ACACB: variants seen among roughly 807,000 people sequenced by gnomAD.
ACACB encodes the protein acetyl-CoA carboxylase 2.
A neutral mutation model predicts 278.8 loss-of-function variants in ACACB; 209 were observed. The observed-to-expected ratio is 0.75, with a 90% confidence interval of 0.67 to 0.84. ACACB has a LOEUF of 0.84. ACACB is among the 40% of genes least tolerant of loss of function. The pLI, the probability that ACACB is intolerant of heterozygous loss-of-function variation, is 0.00. For synonymous variants in ACACB, 1,174 were observed against 1,285.6 expected (o/e 0.91, Z 1.86); for missense variants, 2,850 against 3,269.0 (o/e 0.87, Z 3.13).
At chr12:109,212,734 C>T (rs975907794) in intron 21 of ACACB, 102 bp from the exon 22 acceptor site, 1 of 915,358 alleles carries the variant, frequency 1.1e-6, no homozygotes, top group African/African-American at 1.6e-5. Context: ...AGGCCACGGA[C>T]CAGTGCTCGT....
chr12:109,232,808 T>C lies in ACACB; in HGVS notation c.4139+2T>C. 6.2e-7 allele frequency: 1 copy of C among 1,614,084 alleles called. No individual in the cohort carries two copies. The highest frequency in any genetic ancestry group is 8.5e-7 in the Non-Finnish European group (1 of 1,180,014). On this transcript the variant is annotated splice_donor_variant, in intron 29 of 52. Coordinates refer to ENST00000338432, the MANE Select transcript of ACACB (RefSeq NM_001093.4). LOFTEE classifies it high-confidence loss of function. ...CAGGAGATTCGAGGACTTCACCAGGTACCCAGCATGGCCCGGTCTCCAACA... is the reference window on the plus strand; with the variant it reads ...CAGGAGATTCGAGGACTTCACCAGGCACCCAGCATGGCCCGGTCTCCAACA...
At chr12:109,219,692 CTTA>C (rs1264713613) in intron 24 of ACACB, among the ~76,000 whole-genome samples, 1 of 152,126 alleles carries the variant, frequency 6.6e-6, no homozygotes, top group Admixed American at 6.5e-5. Context: ...CACGTACGTT[CTTA>C]TTAGAGAAAA....
Position 109,258,304 on chromosome 12 carries a change from G to A in ACACB, c.6300G>A (p.Glu2100=), listed in dbSNP as rs1227746175. 2 of 1,612,696 alleles carry A rather than the reference G, an allele frequency of 1.2e-6. No individual in the cohort carries two copies. Among genetic ancestry groups the A allele is most frequent in the African/African-American group, 1.3e-5 (1 of 74,910 alleles). ...GGIPVGVIAV[E]TRTVEVAVPA... ...TTCCCGTGGGAGTGATTGCTGTGGA[G>A]ACACGGACTGTGGAGGTGGCAGTCC... The change falls in exon 46 of 53, where the codon GAG becomes GAA. Residue 2100 remains glutamate, a synonymous_variant. Transcript: ENST00000338432.
rs989674743 is a variant in ACACB at position 109,268,058 on chromosome 12, G to T, written c.*1696G>T. ...GATTCATTATTCCACCCCGAGGTTT[G>T]CTGGGGTGAGGGGAAGAATCGATGC... On this transcript the variant is annotated 3_prime_UTR_variant, in exon 53 of 53. Transcript: ENST00000338432. This position sits in a 1 kb window ranked among gnomAD's most constrained non-coding sequence, Gnocchi z 4.2. 1 of 152,214 alleles carries T rather than the reference G, an allele frequency of 6.6e-6. No individual in the cohort carries two copies. Among genetic ancestry groups the T allele is most frequent in the Non-Finnish European group, 1.5e-5 (1 of 68,044 alleles). The allele number at this position is 152,214 out of a possible 1,614,324, so 9.4% of individuals were successfully genotyped here.
At chr12:109,131,170 G>A (rs928586194) in intron 1 of ACACB, among the ~76,000 whole-genome samples, 3 of 152,200 alleles carry the variant, frequency 2.0e-5, no homozygotes, top group Non-Finnish European at 4.4e-5. Flanking sequence ...CTTGAGGTCA[G>A]GAGAAGGCTG....
Position 109,191,783 on chromosome 12 carries a change from TGTC to T in ACACB, c.2295+21_2295+23del. On this transcript the variant is annotated intron_variant, in intron 14 of 52. Coordinates refer to ENST00000338432, the MANE Select transcript of ACACB (RefSeq NM_001093.4). The stretch of plus-strand genomic sequence containing the variant: ...GTGCAGGTAGGGAGTGAGCTGCCTG[TGTC>T]TCCCCTCTGGATGGCCGAGACCTCG... 6.2e-7 allele frequency: 1 copy of T among 1,614,158 alleles called. No homozygotes were observed. The highest frequency in any genetic ancestry group is 8.5e-7 in the Non-Finnish European group (1 of 1,180,020).
chr12:109,127,825 C>T (rs61122446), intron 1 of ACACB, among the ~76,000 whole-genome samples: 41 of 152,056 alleles, frequency 2.7e-4, no homozygotes, highest in African/African-American at 9.7e-4. Context: ...TCAAGTCTTA[C>T]AGTTCGCAGG....
rs766670302 is a variant in ACACB, at chr12:109,199,439, G to A, written c.2665G>A (p.Glu889Lys). Residue 889 changes from glutamate (E) to lysine (K), a missense_variant, in exon 18 of 53, where the codon GAG becomes AAG. This residue lies in a region of ACACB where 2,265 missense variants were observed against 2,561.3 expected (regional missense o/e 0.88). Coordinates refer to ENST00000338432, the MANE Select transcript of ACACB (RefSeq NM_001093.4). ...CATCGGCAATAAGACGTGTGTGTTT[G>A]AGAAGGAGAACGATCCTACAGTCCT... ...ITIGNKTCVF[E>K]KENDPTVLRS... is the part of the protein sequence containing the mutation. The A allele has an allele frequency of 1.3e-6, 2 of 1,546,324 alleles. No individual in the cohort carries two copies. The highest frequency in any genetic ancestry group is 1.7e-6 in the Non-Finnish European group (2 of 1,145,632).
At chr12:109,193,805 C>A (rs1848202453) in intron 16 of ACACB, 76 bp downstream of exon 16, 7 of 1,320,102 alleles carry the variant, frequency 5.3e-6, no homozygotes, top group Non-Finnish European at 7.6e-6. Flanking sequence ...CATGAACCAT[C>A]CCTGGAGTGG....
At chr12:109,177,981 C>T (rs1263101587) in intron 9 of ACACB, among the ~76,000 whole-genome samples, 1 of 152,148 alleles carries the variant, frequency 6.6e-6, no homozygotes, top group Non-Finnish European at 1.5e-5. Flanking sequence ...TATGAGTGCA[C>T]TATGAATATG....
At chr12:109,167,623 A>G (rs1159228503) in intron 3 of ACACB, among the ~76,000 whole-genome samples, 52 of 106,784 alleles carry the variant, frequency 4.9e-4, no homozygotes, top group South Asian at 1.6e-3. Context: ...ATGTATGTGT[A>G]TATATATATA....
intron 44 of ACACB, among the ~76,000 whole-genome samples, chr12:109,254,898 C>A (rs1358573034): frequency 6.6e-6 from 1 of 151,976 alleles, no homozygotes; most frequent in Admixed American, 6.6e-5. Flanking sequence ...ACTCAGTCTA[C>A]CGAGTAGCTG....
intron 16 of ACACB, among the ~76,000 whole-genome samples, chr12:109,195,726 G>GTT (rs146236537): frequency 2.0e-5 from 3 of 150,042 alleles, no homozygotes; most frequent in African/African-American, 4.9e-5. Context: ...TTATTAACAA[G>GTT]TTTTTTTTTT....
chr12:109,219,083 TA>T (rs2136487622), intron 24 of ACACB, among the ~76,000 whole-genome samples: 1 of 152,122 alleles, frequency 6.6e-6, no homozygotes, highest in South Asian at 2.1e-4. Context: ...CTTTTTTTTG[TA>T]AAGGGCTCCA....
chr12:109,144,778 A>G (rs1274326043), intron 2 of ACACB, among the ~76,000 whole-genome samples: 2 of 80,756 alleles, frequency 2.5e-5, no homozygotes, highest in Non-Finnish European at 4.7e-5. Context: ...TTTTTGAGAC[A>G]GAGTCTTGCT....
Position 109,209,902 on chromosome 12 carries a change from C to CAT in ACACB, c.3249+551_3249+552dup, listed in dbSNP as rs1357269065. ...ACGTGTGTATATATGTATATACACACATACACACACGTGTGTATATATGTG... is the reference window on the plus strand; with the variant it reads ...ACGTGTGTATATATGTATATACACACATATACACACACGTGTGTATATATGTG... On this transcript the variant is annotated intron_variant, in intron 21 of 52. Transcript: ENST00000338432. Among the ~76,000 whole-genome samples the CAT allele has an allele frequency of 2.1e-5, 2 of 94,408 alleles. 1 individual carries two copies. 61.9% of individuals were successfully genotyped at this position (94,408 alleles called of 152,430 possible).
intron 11 of ACACB, among the ~76,000 whole-genome samples, chr12:109,184,967 C>A (rs2044604141): frequency 6.6e-6 from 1 of 152,170 alleles, no homozygotes; most frequent in Admixed American, 6.5e-5. Flanking sequence ...CTGCTTCAGC[C>A]TCCCAAAGTT....
upstream of ACACB, among the ~76,000 whole-genome samples, chr12:109,114,240 A>G (rs115173508): frequency 2.8e-3 from 429 of 152,286 alleles, 3 homozygotes; most frequent in African/African-American, 0.01. Flanking sequence ...AATATTGGTG[A>G]GCGGAGCAGA....
rs548609880 is a variant in ACACB, at chr12:109,189,391, C to T, written c.2144+1229C>T. 1.6e-4 allele frequency among the ~76,000 whole-genome samples: 24 copies of T among 152,204 alleles called. No individual in the cohort carries two copies. In the South Asian group the frequency reaches 2.7e-3, roughly 17 times the overall value. ...AAAGGGCTTACTTAATAGGAGTAGG[C>T]GGAAGACAGGTCAGCCAGCCCAGAC... is the stretch of plus-strand genomic sequence containing the variant. On this transcript the variant is annotated intron_variant, in intron 13 of 52. Coordinates refer to ENST00000338432, the MANE Select transcript of ACACB (RefSeq NM_001093.4).
Sources: allele counts gnomAD v4.1 joint callset (sites outside exome capture counted in the v4.1 genomes callset), GRCh38; gene constraint gnomAD v4.1.1; regional missense constraint gnomAD v4.1.1; non-coding constraint Gnocchi (gnomAD v3.1); transcripts MANE v1.5; gene names NCBI Gene and HGNC (gene_info 2026-07-23, HGNC 2026-07-21).